Variants in WDPCP observed in about 807,000 individuals in gnomAD.
WDPCP encodes the protein WD repeat containing planar cell polarity effector.
In WDPCP, 71 loss-of-function variants were observed where a neutral mutation model predicts 93.1. The ratio of observed to expected loss-of-function variants is 0.76; its 90% confidence interval spans 0.63 to 0.93. The LOEUF (loss-of-function observed/expected upper bound fraction) is 0.93. Ranked by LOEUF, WDPCP falls within the 40% of genes least tolerant of loss-of-function variation. The pLI is 0.00. For synonymous variants in WDPCP, 315 were observed against 315.0 expected (o/e 1.00, Z 0.00); for missense variants, 844 against 887.4 (o/e 0.95, Z 0.62).
chr2:63,604,687 T>C (rs1434592191), intron 3 of WDPCP: 1 of 1,608,546 alleles, frequency 6.2e-7, no homozygotes, highest in African/African-American at 1.3e-5. Context: ...TTGTTTTCAA[T>C]TTAACTAGAT....
At chr2:63,502,197 A>G (rs183235347) in intron 1 of WDPCP, among the ~76,000 whole-genome samples, 9 of 152,308 alleles carry the variant, frequency 5.9e-5, no homozygotes, top group Admixed American at 5.2e-4. Flanking sequence ...TTCACTGAAC[A>G]CCACATCATG....
chr2:63,484,864 T>C lies in WDPCP; in HGVS notation c.324+53A>G, dbSNP rs1048746930. ...TATGAAAATTAAAGCTGTTGAAAGA[T>C]GTTTTAAAAACAGATTTGTTTGTTG... On this transcript the variant is annotated intron_variant, in intron 5 of 17. Coordinates refer to ENST00000272321, the MANE Select transcript of WDPCP (RefSeq NM_015910.7). 35 of 1,584,976 alleles carry C rather than the reference T, an allele frequency of 2.2e-5. No homozygotes were observed. The African/African-American group carries it at 3.2e-4, about 15-fold the overall frequency.
chr2:63,709,302 G>A lies in WDPCP; in HGVS notation n.309-58464C>T, dbSNP rs565220505. Among the ~76,000 whole-genome samples the A allele has an allele frequency of 4.6e-5, 7 of 152,046 alleles. No individual in the cohort carries two copies. In the South Asian group the frequency reaches 1.0e-3, roughly 23 times the overall value. On this transcript the variant is annotated intron_variant and non_coding_transcript_variant, in intron 2 of 4. Coordinates refer to the WDPCP transcript ENST00000467687. Reference sequence around the variant, plus strand: ...TGCACTCTAGCCTGGGTAACAGACCGAAACTCCGTCCCGAAAAAAAGAATG... The same window carrying A: ...TGCACTCTAGCCTGGGTAACAGACCAAAACTCCGTCCCGAAAAAAAGAATG...
In WDPCP at chr2:63,809,341, C is replaced by A. The variant is rs1229666658; in HGVS notation, n.308+4281G>T. 2.0e-5 allele frequency among the ~76,000 whole-genome samples: 3 copies of A among 151,454 alleles called. No individual in the cohort carries two copies. In the East Asian group the frequency reaches 5.9e-4, roughly 30 times the overall value. On this transcript the variant is annotated intron_variant and non_coding_transcript_variant, in intron 2 of 4. Transcript: ENST00000467687. Reference sequence around the variant, plus strand: ...CGCCCCGTCCGGGAGGTGAGGGGCGCCTCTGCCCAGCCGCCCCTACTGGGA... The same window carrying A: ...CGCCCCGTCCGGGAGGTGAGGGGCGACTCTGCCCAGCCGCCCCTACTGGGA...
intron 2 of WDPCP, among the ~76,000 whole-genome samples, chr2:63,703,091 T>C (rs1669087543): frequency 6.6e-6 from 1 of 152,208 alleles, no homozygotes; most frequent in South Asian, 2.1e-4. Flanking sequence ...ATGGTGTATA[T>C]GTGCCACATT....
chr2:63,798,916 T>A (rs752784109), intron 2 of WDPCP, among the ~76,000 whole-genome samples: 9 of 151,984 alleles, frequency 5.9e-5, no homozygotes, highest in Non-Finnish European at 1.2e-4. Flanking sequence ...AACAAACAGA[T>A]TCGGAGTAGC....
chr2:63,522,451 G>GAAAGAC (rs1553420212), intron 1 of WDPCP, among the ~76,000 whole-genome samples: 160 of 92,076 alleles, frequency 1.7e-3, no homozygotes, highest in African/African-American at 7.1e-3. Flanking sequence ...CAGACAGACA[G>GAAAGAC]ACAGACACAC....
chr2:63,255,761 A>T (rs1405476494), intron 14 of WDPCP, among the ~76,000 whole-genome samples: 1 of 152,202 alleles, frequency 6.6e-6, no homozygotes, highest in Non-Finnish European at 1.5e-5. Flanking sequence ...AAAGAGACTA[A>T]CACATTTCCA....
chr2:63,234,437 G>A (rs1309341582), intron 14 of WDPCP, among the ~76,000 whole-genome samples: 3 of 152,148 alleles, frequency 2.0e-5, no homozygotes, highest in Non-Finnish European at 4.4e-5. Context: ...CTGGGTGACA[G>A]AGCAAGATTT....
At chr2:63,344,330 T>TGAACAAAGACAAAATG (rs1689046113) in intron 12 of WDPCP, among the ~76,000 whole-genome samples, 1 of 152,122 alleles carries the variant, frequency 6.6e-6, no homozygotes, top group African/African-American at 2.4e-5. Flanking sequence ...TGAAGCACAA[T>TGAACAAAGACAAAATG]AACAAATGAA....
Position 63,598,998 on chromosome 2 carries a change from A to G in WDPCP, n.488+51661T>C, listed in dbSNP as rs570816691. ...TTTCAAAATTTTTTATTACCATTTT[A>G]TAAAAGATTTTTATAACTTAAAATG... On this transcript the variant is annotated intron_variant and non_coding_transcript_variant, in intron 3 of 4. Transcript: ENST00000467687. Among the ~76,000 whole-genome samples the G allele has an allele frequency of 2.0e-5, 3 of 151,618 alleles. No individual in the cohort carries two copies. The South Asian group carries it at 6.2e-4, about 31-fold the overall frequency.
At chr2:63,123,519 A>G (rs1258860052) in intron 17 of WDPCP, among the ~76,000 whole-genome samples, 1 of 152,088 alleles carries the variant, frequency 6.6e-6, no homozygotes, top group Non-Finnish European at 1.5e-5. Flanking sequence ...CCAGGATTTA[A>G]AAAAACAAAA....
At chr2:63,448,241 G>A (rs1201408790) in intron 6 of WDPCP, among the ~76,000 whole-genome samples, 1 of 151,836 alleles carries the variant, frequency 6.6e-6, no homozygotes, top group African/African-American at 2.4e-5. Flanking sequence ...ACAACTTCCA[G>A]TTCTCCTCCA....
At chr2:63,274,584 G>A (rs530557625) in intron 13 of WDPCP, among the ~76,000 whole-genome samples, 1 of 152,072 alleles carries the variant, frequency 6.6e-6, no homozygotes, top group South Asian at 2.1e-4. Flanking sequence ...AAGAAAAAAG[G>A]AGAAAAGCTG....
At chr2:63,206,317 C>T (rs916008838) in intron 14 of WDPCP, among the ~76,000 whole-genome samples, 1 of 152,144 alleles carries the variant, frequency 6.6e-6, no homozygotes, top group Non-Finnish European at 1.5e-5. Flanking sequence ...GGAGTACTGT[C>T]TGTTGGTTCT....
intron 6 of WDPCP, chr2:63,443,312 T>TAGG (rs1337301640): frequency 6.6e-6 from 1 of 152,144 alleles, no homozygotes; most frequent in East Asian, 1.9e-4. Context: ...AGAGCAAATT[T>TAGG]AGGAGGGTGC....
chr2:63,424,603 C>A (rs1696123313), intron 9 of WDPCP, among the ~76,000 whole-genome samples: 1 of 152,208 alleles, frequency 6.6e-6, no homozygotes, highest in South Asian at 2.1e-4. Flanking sequence ...AGCTGCAGGC[C>A]CAGTCCCAAT....
chr2:63,410,309 A>C (rs1694929697), intron 9 of WDPCP, among the ~76,000 whole-genome samples: 1 of 152,208 alleles, frequency 6.6e-6, no homozygotes, highest in Admixed American at 6.5e-5. Context: ...TTTTCAGACA[A>C]ACAAATGCTA....
At chr2:63,488,397 T>C (rs1023666359) in intron 2 of WDPCP, among the ~76,000 whole-genome samples, 2 of 152,130 alleles carry the variant, frequency 1.3e-5, no homozygotes, top group African/African-American at 2.4e-5. Flanking sequence ...TTTTCAAATA[T>C]AGTCTTTCAA....
Sources: allele counts gnomAD v4.1 joint callset (sites outside exome capture counted in the v4.1 genomes callset), GRCh38; gene constraint gnomAD v4.1.1; transcripts MANE v1.5; gene names NCBI Gene and HGNC (gene_info 2026-07-23, HGNC 2026-07-21).